Variants in NEGR1 observed in about 807,000 individuals in gnomAD.
The protein encoded by NEGR1 is IgLON family member 4.
A neutral mutation model predicts 40.9 loss-of-function variants in NEGR1; 10 were observed. That is an observed-to-expected ratio of 0.24 (90% confidence interval 0.15 to 0.42). The LOEUF (loss-of-function observed/expected upper bound fraction) is 0.42, where lower values mean the gene tolerates loss of function less well. Among genes scored for constraint, NEGR1 ranks in the 10% least tolerant of loss-of-function variants. The pLI is 1.00. For missense variants in NEGR1, 352 were observed against 438.9 expected (o/e 0.80, Z 1.77); for synonymous variants, 185 against 166.8 (o/e 1.11, Z -0.84).
intron 3 of NEGR1, among the ~76,000 whole-genome samples, chr1:71,755,898 A>T (rs142628051): frequency 6.6e-6 from 1 of 152,336 alleles, no homozygotes; most frequent in Non-Finnish European, 1.5e-5. Context: ...TGAAGAAAAC[A>T]GATGTAAAAT....
At chr1:72,270,619 G>A (rs1655810376) in intron 1 of NEGR1, among the ~76,000 whole-genome samples, 1 of 151,852 alleles carries the variant, frequency 6.6e-6, no homozygotes, top group Non-Finnish European at 1.5e-5. Flanking sequence ...TGCCACAAAT[G>A]TTCATCTTCA....
intron 1 of NEGR1, among the ~76,000 whole-genome samples, chr1:71,979,406 C>T (rs977294846): frequency 1.1e-4 from 16 of 151,956 alleles, no homozygotes; most frequent in African/African-American, 2.2e-4. Context: ...AAGAAACTTT[C>T]GACAACTTAT....
chr1:72,121,584 C>T (rs1649807483), intron 1 of NEGR1, among the ~76,000 whole-genome samples: 1 of 151,796 alleles, frequency 6.6e-6, no homozygotes, highest in Non-Finnish European at 1.5e-5. Context: ...GTAGAATAGA[C>T]CCTCTTTTAC....
chr1:72,043,073 A>G (rs1646970129), intron 1 of NEGR1, among the ~76,000 whole-genome samples: 1 of 151,920 alleles, frequency 6.6e-6, no homozygotes, highest in African/African-American at 2.4e-5. Context: ...TACCCTTAAA[A>G]GCAAATATCT....
At chr1:71,653,250 T>G (rs1651775264) in intron 4 of NEGR1, among the ~76,000 whole-genome samples, 1 of 152,226 alleles carries the variant, frequency 6.6e-6, no homozygotes, top group Admixed American at 6.5e-5. Flanking sequence ...ATCTACAGTC[T>G]TTAATTTAAC....
In NEGR1 at chr1:72,205,549, A is replaced by AT. The variant is rs74950870; in HGVS notation, c.176+76769dup. Reference sequence around the variant, plus strand: ...TTTTCCACTCACAATGCCTTGCTACATTTTTTTTTTTTTTAATCAACTTAA... The same window carrying AT: ...TTTTCCACTCACAATGCCTTGCTACATTTTTTTTTTTTTTTAATCAACTTAA... On this transcript the variant is annotated intron_variant, in intron 1 of 6. Coordinates refer to ENST00000357731, the MANE Select transcript of NEGR1 (RefSeq NM_173808.3). Among the ~76,000 whole-genome samples, 1,008 of 141,450 alleles carry AT rather than the reference A, an allele frequency of 7.1e-3. 8 individuals are homozygous for AT. The highest frequency in any genetic ancestry group is 0.015 in the Middle Eastern group (4 of 270). The allele number at this position is 141,450 out of a possible 152,430, so 92.8% of individuals were successfully genotyped here.
chr1:71,867,201 C>CT (rs1660140106), intron 2 of NEGR1, among the ~76,000 whole-genome samples: 1 of 152,086 alleles, frequency 6.6e-6, no homozygotes, highest in African/African-American at 2.4e-5. Context: ...TGGTGAAACT[C>CT]TATCTCTACT....
At chr1:72,107,191 A>AT (rs2100259119) in intron 1 of NEGR1, among the ~76,000 whole-genome samples, 1 of 151,932 alleles carries the variant, frequency 6.6e-6, no homozygotes, top group South Asian at 2.1e-4. Context: ...TACATTGAGA[A>AT]TATTATAAAT....
intron 2 of NEGR1, among the ~76,000 whole-genome samples, chr1:71,855,362 T>C (rs1659728477): frequency 6.6e-6 from 1 of 151,804 alleles, no homozygotes; most frequent in African/African-American, 2.4e-5. Context: ...TCTTACAAAA[T>C]GGAATAAATG....
intron 6 of NEGR1, among the ~76,000 whole-genome samples, chr1:71,483,666 T>C (rs1194618496): frequency 6.6e-6 from 1 of 151,740 alleles, no homozygotes; most frequent in Non-Finnish European, 1.5e-5. Flanking sequence ...AATGAGAGTC[T>C]AATGTCATGT....
chr1:71,996,781 T>C, intron 1 of NEGR1, among the ~76,000 whole-genome samples: 1 of 152,214 alleles, frequency 6.6e-6, no homozygotes, highest in East Asian at 1.9e-4. Context: ...GAGAACTTTC[T>C]TTGTCGTACA....
At chr1:71,750,591 T>C (rs961689960) in intron 3 of NEGR1, among the ~76,000 whole-genome samples, 1 of 152,094 alleles carries the variant, frequency 6.6e-6, no homozygotes, top group Admixed American at 6.6e-5. Flanking sequence ...AACTCCTCTT[T>C]ATAAAACCAT....
At chr1:71,416,828 G>A (rs1180155221) in intron 6 of NEGR1, among the ~76,000 whole-genome samples, 1 of 152,140 alleles carries the variant, frequency 6.6e-6, no homozygotes, top group Admixed American at 6.5e-5. Context: ...GCCTTCATCT[G>A]AGATGGGCTT....
chr1:71,508,683 C>T (rs934622445), intron 6 of NEGR1, among the ~76,000 whole-genome samples: 2 of 152,150 alleles, frequency 1.3e-5, no homozygotes, highest in African/African-American at 2.4e-5. Flanking sequence ...ATCACCCTGC[C>T]GCAGCTGAGA....
intron 6 of NEGR1, among the ~76,000 whole-genome samples, chr1:71,434,357 A>G (rs1186319240): frequency 6.6e-6 from 1 of 152,236 alleles, no homozygotes; most frequent in East Asian, 1.9e-4. Flanking sequence ...AAGATGTGGT[A>G]TTAAATGATA....
chr1:71,807,014 TC>T (rs1208816753), intron 2 of NEGR1, among the ~76,000 whole-genome samples: 1 of 147,916 alleles, frequency 6.8e-6, no homozygotes, highest in Admixed American at 6.8e-5. Flanking sequence ...TGCCTCAGCC[TC>T]CCAAGTAGCT....
chr1:71,722,509 C>A (rs1248319645), intron 3 of NEGR1, among the ~76,000 whole-genome samples: 2 of 151,942 alleles, frequency 1.3e-5, no homozygotes, highest in African/African-American at 2.4e-5. Context: ...ATTTTCATTT[C>A]CTACAGTCAA....
intron 6 of NEGR1, among the ~76,000 whole-genome samples, chr1:71,588,410 G>T (rs535538529): frequency 6.6e-6 from 1 of 152,004 alleles, no homozygotes; most frequent in Non-Finnish European, 1.5e-5. Context: ...TATTCTCTCT[G>T]CCTTTCCTTC....
chr1:71,679,135 T>G (rs1652742940), intron 4 of NEGR1, among the ~76,000 whole-genome samples: 2 of 152,196 alleles, frequency 1.3e-5, no homozygotes, highest in Admixed American at 1.3e-4. Context: ...TCTATTTATC[T>G]TTCCTTCTAC....
Sources: gnomAD v4.1 joint callset for allele counts (sites outside exome capture counted in the v4.1 genomes callset) on GRCh38, gnomAD v4.1.1 for gene constraint, MANE v1.5 for transcripts, NCBI Gene and HGNC (gene_info 2026-07-23, HGNC 2026-07-21) for gene names.